Variants in OGDH observed in about 807,000 individuals in gnomAD.
The protein encoded by OGDH is 2-oxoglutarate dehydrogenase complex component E1.
Under a neutral mutation model 116.6 loss-of-function variants are expected in OGDH, and 38 were observed. That is an observed-to-expected ratio of 0.33 (90% CI 0.25 to 0.43). OGDH has a LOEUF of 0.43. Ranked by LOEUF, OGDH falls within the 20% of genes least tolerant of loss-of-function variation. OGDH has a pLI of 1.00. For missense variants in OGDH, 825 were observed against 1,357.2 expected, an observed-to-expected ratio of 0.61 and a Z score of 6.16; for synonymous variants, 488 against 533.3, an observed-to-expected ratio of 0.92 and a Z score of 1.17.
chr7:44,676,310 C>G (rs1787691687), intron 9 of OGDH, 161 bp downstream of exon 9: 1 of 1,481,984 alleles, frequency 6.7e-7, no homozygotes, highest in East Asian at 2.5e-5. Flanking sequence ...AATCCCAGCA[C>G]TTTGGGAGGC....
At chr7:44,702,247 G>A (rs972252471) in intron 20 of OGDH, among the ~76,000 whole-genome samples, 4 of 152,180 alleles carry the variant, frequency 2.6e-5, no homozygotes, top group Admixed American at 6.5e-5. Context: ...GGTTAGTGCC[G>A]CTGCCTGCGG....
Position 44,708,361 on chromosome 7 carries a change from G to A in OGDH, c.*362G>A, listed in dbSNP as rs566793275. On this transcript the variant is annotated 3_prime_UTR_variant, in exon 23 of 23. Transcript: ENST00000222673. ...AACTGGGCCTTGTGTGCTGGCTTCC[G>A]CTGTCACCCAGCAAGGCACAGGCTC... 2.7e-5 allele frequency: 5 copies of A among 188,504 alleles called. No homozygotes were observed. Among genetic ancestry groups the A allele is most frequent in the African/African-American group, 4.7e-5 (2 of 42,630 alleles). The allele number at this position is 188,504 out of a possible 1,614,324, so 11.7% of individuals were successfully genotyped here.
At chr7:44,701,412 G>A (rs1788824735) in intron 19 of OGDH, 131 bp from the exon 20 acceptor site, 3 of 715,194 alleles carry the variant, frequency 4.2e-6, no homozygotes, top group Admixed American at 4.5e-5. Context: ...TCTGACCTGA[G>A]GCTCCTGTTG....
At chr7:44,654,962 C>G (rs1786621918) in intron 4 of OGDH, among the ~76,000 whole-genome samples, 1 of 152,204 alleles carries the variant, frequency 6.6e-6, no homozygotes, top group Non-Finnish European at 1.5e-5. Context: ...ATTGTGACAA[C>G]CAGAATATCT....
intron 20 of OGDH, 124 bp downstream of exon 20, chr7:44,701,739 G>A: frequency 8.3e-6 from 8 of 962,436 alleles, no homozygotes; most frequent in Non-Finnish European, 1.3e-5. Flanking sequence ...CAGATTTTTG[G>A]TTGTAAAGAC....
At chr7:44,685,198 C>T (rs1226488688) in intron 10 of OGDH, among the ~76,000 whole-genome samples, 1 of 152,168 alleles carries the variant, frequency 6.6e-6, no homozygotes, top group Non-Finnish European at 1.5e-5. Flanking sequence ...GCAACCATCA[C>T]CACCACCCAT....
intron 18 of OGDH, among the ~76,000 whole-genome samples, chr7:44,698,904 G>C (rs922831722): frequency 6.9e-4 from 105 of 151,760 alleles, no homozygotes; most frequent in African/African-American, 2.4e-3. Context: ...CCAGCACTTT[G>C]GGAGGCCCAG....
chr7:44,612,387 C>CT (rs1470101403), intron 1 of OGDH, among the ~76,000 whole-genome samples: 207 of 149,622 alleles, frequency 1.4e-3, no homozygotes, highest in African/African-American at 4.2e-3. Context: ...TTTTGCCTTT[C>CT]TTTTTTTTTT....
intron 10 of OGDH, among the ~76,000 whole-genome samples, chr7:44,687,684 A>G (rs1452926761): frequency 6.6e-6 from 1 of 151,958 alleles, no homozygotes; most frequent in Non-Finnish European, 1.5e-5. Context: ...CAGCCTCCCA[A>G]AGTGCTTGGG....
At chr7:44,653,084 T>G (rs1201839321) in intron 4 of OGDH, among the ~76,000 whole-genome samples, 1 of 151,946 alleles carries the variant, frequency 6.6e-6, no homozygotes, top group Non-Finnish European at 1.5e-5. Context: ...TGTTGTTTGG[T>G]TTTTTTTAAT....
intron 2 of OGDH, among the ~76,000 whole-genome samples, chr7:44,643,892 CAA>C (rs1244051107): frequency 1.3e-5 from 2 of 152,140 alleles, no homozygotes; most frequent in African/African-American, 4.8e-5. Context: ...AAAAGAAAAA[CAA>C]TGTTTCTATT....
intron 4 of OGDH, among the ~76,000 whole-genome samples, chr7:44,650,726 C>T (rs1786401106): frequency 1.3e-5 from 2 of 152,144 alleles, no homozygotes; most frequent in African/African-American, 4.8e-5. Flanking sequence ...AGTGAGGACT[C>T]TGTATGGGGG....
chr7:44,609,832 A>G (rs1229658899), intron 1 of OGDH, among the ~76,000 whole-genome samples: 2 of 152,206 alleles, frequency 1.3e-5, no homozygotes, highest in Non-Finnish European at 2.9e-5. Context: ...TTGTTTCTCC[A>G]CATACTTGCC....
intron 7 of OGDH, 160 bp downstream of exon 7, chr7:44,674,717 T>G: frequency 1.3e-6 from 1 of 749,010 alleles, no homozygotes; most frequent in Non-Finnish European, 2.2e-6. Context: ...TTGCAGGGGA[T>G]TCTCACATTG....
chr7:44,693,975 A>G lies in OGDH; in HGVS notation c.1486A>G (p.Thr496Ala). Reference protein sequence around the residue: ...VCKVAAEWRSTFHKDVVVDLV... With the variant: ...VCKVAAEWRSAFHKDVVVDLV... The stretch of plus-strand genomic sequence containing the variant: ...CAAAGTGGCGGCCGAGTGGAGGAGC[A>G]CCTTCCACAAGGACGTGGTTGTCGA... Residue 496 changes from threonine (T) to alanine (A), a missense_variant, in exon 11 of 23, where the codon ACC becomes GCC. Thr to Ala is a moderately conservative substitution (Grantham distance 58, BLOSUM62 0). Around this residue, in one of 7 missense-constraint regions of OGDH, gnomAD observed 146 missense variants for 317.3 expected, o/e 0.46. Transcript: ENST00000222673. The G allele has an allele frequency of 2.5e-6, 4 of 1,613,488 alleles. No individual in the cohort carries two copies. Among genetic ancestry groups the G allele is most frequent in the Non-Finnish European group, 3.4e-6 (4 of 1,179,562 alleles).
intron 18 of OGDH, among the ~76,000 whole-genome samples, chr7:44,698,654 A>AAC (rs1788693975): frequency 6.6e-6 from 1 of 152,134 alleles, no homozygotes; most frequent in South Asian, 2.1e-4. Context: ...CAGCCTGGGC[A>AAC]ACATGGTGAG....
intron 19 of OGDH, 47 bp downstream of exon 19, chr7:44,700,316 T>C: frequency 6.2e-7 from 1 of 1,607,770 alleles, no homozygotes; most frequent in Non-Finnish European, 8.5e-7. Context: ...GGCCCTGCCC[T>C]GTTGGTGCAG....
At chr7:44,614,584 C>T (rs766690952) in intron 1 of OGDH, among the ~76,000 whole-genome samples, 5 of 151,996 alleles carry the variant, frequency 3.3e-5, no homozygotes, top group Non-Finnish European at 5.9e-5. Context: ...GCCCTTTAAC[C>T]CATGCTAAAG....
chr7:44,678,364 C>G (rs1787789579), intron 9 of OGDH, among the ~76,000 whole-genome samples: 1 of 152,178 alleles, frequency 6.6e-6, no homozygotes, highest in South Asian at 2.1e-4. Context: ...TTCCCACATT[C>G]ATAGATTGTG....
Sources: allele counts gnomAD v4.1 joint callset (sites outside exome capture counted in the v4.1 genomes callset), GRCh38; gene constraint gnomAD v4.1.1; regional missense constraint gnomAD v4.1.1; transcripts MANE v1.5; gene names NCBI Gene and HGNC (gene_info 2026-07-23, HGNC 2026-07-21).